Variants in CEPT1 observed in about 807,000 individuals in gnomAD.
The protein encoded by CEPT1 is choline/ethanolaminephosphotransferase 1.
A neutral mutation model predicts 42.6 loss-of-function variants in CEPT1; 7 were observed. The ratio of observed to expected loss-of-function variants is 0.16; its 90% CI spans 0.09 to 0.31. The LOEUF is 0.31. Ranked by LOEUF, CEPT1 falls within the 10% of genes least tolerant of loss-of-function variation. The pLI is 1.00. For synonymous variants in CEPT1, 171 were observed against 171.9 expected (o/e 0.99, Z 0.04); for missense variants, 306 against 502.1 (o/e 0.61, Z 3.73).
chr1:111,166,622 G>T (rs968839274), intron 4 of CEPT1, among the ~76,000 whole-genome samples: 2 of 152,132 alleles, frequency 1.3e-5, no homozygotes, highest in African/African-American at 4.8e-5. Context: ...TTTTGAGATA[G>T]CAGAGGTAGG....
Position 111,184,412 on chromosome 1 carries a change from C to A in CEPT1, c.*102C>A. The stretch of plus-strand genomic sequence containing the variant: ...AAGAACAAATATAATTTATAATAAT[C>A]AATGTTGTATAACTTTTATTCTTTA... On this transcript the variant is annotated 3_prime_UTR_variant, in exon 9 of 9. Transcript: ENST00000357172. 1 of 881,944 alleles carries A rather than the reference C, an allele frequency of 1.1e-6. No individual in the cohort carries two copies. The highest frequency in any genetic ancestry group is 2.8e-5 in the Admixed American group (1 of 35,272). The allele number at this position is 881,944 out of a possible 1,614,324, so 54.6% of individuals were successfully genotyped here.
intron 4 of CEPT1, 95 bp downstream of exon 4, chr1:111,161,391 TAA>T (rs143092939): frequency 0.03 from 36,527 of 1,203,408 alleles, 665 homozygotes; most frequent in African/African-American, 0.049. Flanking sequence ...ATCAAATCAC[TAA>T]GTTAGTTTAA....
In CEPT1 at chr1:111,174,958, T is replaced by G. The variant is rs1218619020; in HGVS notation, c.709T>G (p.Ser237Ala). 1 of 1,599,628 alleles carries G rather than the reference T, an allele frequency of 6.3e-7. No individual in the cohort carries two copies. Among genetic ancestry groups the G allele is most frequent in the African/African-American group, 1.3e-5 (1 of 74,592 alleles). ...AVIGGPPFWQ[S>A]MIPVLNIQMK... is the part of the protein sequence containing the mutation. Reference sequence around the variant, plus strand: ...GATTGGAGGACCACCTTTTTGGCAATCTATGGTAACTTTGTTCACATTGTG... The same window carrying G: ...GATTGGAGGACCACCTTTTTGGCAAGCTATGGTAACTTTGTTCACATTGTG... Residue 237 changes from serine (S) to alanine (A), a missense_variant, in exon 5 of 9, where the codon TCT becomes GCT. Ser to Ala is a moderately conservative substitution (Grantham distance 99). Transcript: ENST00000357172.
intron 2 of CEPT1, among the ~76,000 whole-genome samples, chr1:111,158,089 C>A (rs1002971616): frequency 6.6e-6 from 1 of 152,200 alleles, no homozygotes; most frequent in African/African-American, 2.4e-5. Context: ...CGCCTGTAAT[C>A]CCAACACTTT....
At position 111,159,423 on chromosome 1, in the gene CEPT1, T is replaced by C. The variant is rs760035906; in HGVS notation, c.383T>C (p.Ile128Thr). 1 of 1,612,884 alleles carries C rather than the reference T, an allele frequency of 6.2e-7. No individual in the cohort carries two copies. Among genetic ancestry groups the C allele is most frequent in the Non-Finnish European group, 8.5e-7 (1 of 1,179,618 alleles). Residue 128 changes from isoleucine to threonine, a missense_variant, in exon 3 of 9, where the codon ATT becomes ACT. Transcript: ENST00000357172. ...ATTGCTTGTGCCTGTGGCCTTTTCA[T>C]TTACCAGTCTTTGGATGCTATTGAT... ...AYIACACGLF[I>T]YQSLDAIDGK...
intron 6 of CEPT1, 165 bp from the exon 7 acceptor site, chr1:111,182,634 T>G: frequency 1.6e-6 from 1 of 637,986 alleles, no homozygotes; most frequent in Non-Finnish European, 2.6e-6. Context: ...TTTATGCTGC[T>G]ACTTTTCATT....
chr1:111,183,919 C>T (rs1044203019), intron 8 of CEPT1, among the ~76,000 whole-genome samples: 9 of 152,138 alleles, frequency 5.9e-5, no homozygotes, highest in African/African-American at 2.2e-4. Context: ...CAGCTATGGC[C>T]ACTCATTTAT....
At chr1:111,173,737 G>A (rs944388459) in intron 4 of CEPT1, among the ~76,000 whole-genome samples, 2 of 151,998 alleles carry the variant, frequency 1.3e-5, no homozygotes, top group East Asian at 1.9e-4. Flanking sequence ...CCAGAAATTT[G>A]TTATGCAATT....
intron 5 of CEPT1, among the ~76,000 whole-genome samples, chr1:111,175,851 C>G (rs956719840): frequency 6.6e-6 from 1 of 152,114 alleles, no homozygotes; most frequent in Non-Finnish European, 1.5e-5. Flanking sequence ...TCTACCATCA[C>G]CCCTTCAGAA....
chr1:111,141,550 C>T (rs1654563864), intron 1 of CEPT1, among the ~76,000 whole-genome samples: 1 of 151,964 alleles, frequency 6.6e-6, no homozygotes, highest in African/African-American at 2.4e-5. Context: ...TTTTAAGGGG[C>T]TAGAAAAATA....
At chr1:111,181,397 A>G (rs890295015) in intron 5 of CEPT1, 4 of 152,330 alleles carry the variant, frequency 2.6e-5, no homozygotes, top group African/African-American at 7.2e-5. Flanking sequence ...GTACAAGTGT[A>G]TTTCATTTTA....
rs954342482 is a variant in CEPT1, at chr1:111,167,268, A to G, written c.629+5972A>G. On this transcript the variant is annotated intron_variant, in intron 4 of 8. Coordinates refer to ENST00000357172, the MANE Select transcript of CEPT1 (RefSeq NM_006090.5). ...AAGACAGCACCTTTGTCATGCACAGAATAATTAAAACATGAAAAATCAAAA... is the reference window on the plus strand; with the variant it reads ...AAGACAGCACCTTTGTCATGCACAGGATAATTAAAACATGAAAAATCAAAA... 5 of 984,972 alleles carry G rather than the reference A, an allele frequency of 5.1e-6. No homozygotes were observed. In the African/African-American group the frequency reaches 8.7e-5, roughly 17 times the overall value. The allele number at this position is 984,972 out of a possible 1,614,324, so 61.0% of individuals were successfully genotyped here.
At chr1:111,152,986 C>G (rs949988621) in intron 2 of CEPT1, among the ~76,000 whole-genome samples, 1 of 152,094 alleles carries the variant, frequency 6.6e-6, no homozygotes, top group African/African-American at 2.4e-5. Context: ...TATTCCAGAT[C>G]CTCTCTTCTA....
At chr1:111,153,178 A>G (rs1232071952) in intron 2 of CEPT1, among the ~76,000 whole-genome samples, 5 of 151,844 alleles carry the variant, frequency 3.3e-5, no homozygotes. Context: ...CTTTACTTCT[A>G]TGAGCATTTT....
chr1:111,159,253 T>C, intron 2 of CEPT1, 127 bp from the exon 3 acceptor site: 2 of 838,688 alleles, frequency 2.4e-6, no homozygotes, highest in South Asian at 1.7e-5. Flanking sequence ...AGTTCTTCAT[T>C]ATGTAGCACT....
chr1:111,161,646 A>G (rs1166424951), intron 4 of CEPT1, among the ~76,000 whole-genome samples: 1 of 152,166 alleles, frequency 6.6e-6, no homozygotes, highest in African/African-American at 2.4e-5. Context: ...TCCAGGAAAA[A>G]GAAGATGGTT....
chr1:111,177,659 T>C (rs970205134), intron 5 of CEPT1, among the ~76,000 whole-genome samples: 1 of 152,248 alleles, frequency 6.6e-6, no homozygotes, highest in Admixed American at 6.5e-5. Flanking sequence ...ATAGTAGATA[T>C]AATTTTTTCT....
At chr1:111,183,035 T>A in intron 7 of CEPT1, 78 bp downstream of exon 7, 1 of 1,416,662 alleles carries the variant, frequency 7.1e-7, no homozygotes, top group Non-Finnish European at 9.7e-7. Context: ...TCTCATTCTG[T>A]AGCTTCATAA....
At chr1:111,158,142 CA>C (rs1178513873) in intron 2 of CEPT1, among the ~76,000 whole-genome samples, 1 of 152,080 alleles carries the variant, frequency 6.6e-6, no homozygotes, top group African/African-American at 2.4e-5. Context: ...AAGAGTTCGA[CA>C]CCAGCCTGAC....
Sources: gnomAD v4.1 joint callset for allele counts (sites outside exome capture counted in the v4.1 genomes callset) on GRCh38, gnomAD v4.1.1 for gene constraint, MANE v1.5 for transcripts, NCBI Gene and HGNC (gene_info 2026-07-23, HGNC 2026-07-21) for gene names.